The following PRPF3 variants were observed in gnomAD, a reference collection of about 807,000 sequenced individuals.
The protein encoded by PRPF3 is U4/U6 small nuclear ribonucleoprotein Prp3.
Under a neutral mutation model 89.2 loss-of-function variants are expected in PRPF3, and 3 were observed. That is an observed-to-expected ratio of 0.03 (90% CI 0.02 to 0.09). PRPF3 has a LOEUF of 0.09. PRPF3 is among the 10% of genes least tolerant of loss of function. The probability of loss-of-function intolerance (pLI) is 1.00; values close to 1 mark genes in which losing one functional copy is unlikely to be tolerated. For missense variants in PRPF3, 463 were observed against 828.8 expected (o/e 0.56, Z 5.42); for synonymous variants, 270 against 289.1 (o/e 0.93, Z 0.67).
intron 7 of PRPF3, 104 bp from the exon 8 acceptor site, chr1:150,338,056 A>G: frequency 7.9e-7 from 1 of 1,268,712 alleles, no homozygotes. Flanking sequence ...CCTGGGCAAG[A>G]AGAACGAAAC....
chr1:150,322,451 G>T (rs1553862307), intron 1 of PRPF3, among the ~76,000 whole-genome samples: 2 of 152,202 alleles, frequency 1.3e-5, no homozygotes, highest in Non-Finnish European at 2.9e-5. Context: ...AACTGTTTCT[G>T]TGTGAACTCT....
chr1:150,330,898 T>G (rs2101964547), intron 4 of PRPF3, among the ~76,000 whole-genome samples: 1 of 151,130 alleles, frequency 6.6e-6, no homozygotes, highest in Non-Finnish European at 1.5e-5. Flanking sequence ...TTTGTATGTT[T>G]AGTAGAGACG....
chr1:150,351,492 T>C (rs1553874359), intron 15 of PRPF3, among the ~76,000 whole-genome samples: 2 of 152,100 alleles, frequency 1.3e-5, no homozygotes, highest in South Asian at 2.1e-4. Flanking sequence ...ATATTTGTTA[T>C]CTTTTTTTAA....
chr1:150,345,992 A>T, intron 12 of PRPF3, 26 bp from the exon 13 acceptor site: 1 of 1,558,130 alleles, frequency 6.4e-7, no homozygotes, highest in Non-Finnish European at 8.9e-7. Flanking sequence ...AAAATGGAAG[A>T]CATAACTAAA....
rs1218279924 is a variant in PRPF3, at chr1:150,347,163, A to AT, written c.1843+685dup. Among the ~76,000 whole-genome samples, 140 of 145,552 alleles carry AT rather than the reference A, an allele frequency of 9.6e-4. 1 individual carries two copies. The highest frequency in any genetic ancestry group is 1.5e-3 in the South Asian group (7 of 4,590). On this transcript the variant is annotated intron_variant, in intron 14 of 15. Coordinates refer to ENST00000324862, the MANE Select transcript of PRPF3 (RefSeq NM_004698.4). ...AGTGTCTATATTATATTATTATTTG[A>AT]TTTTTTTTTTTTTAAGGATTGAAGC...
At position 150,332,740 on chromosome 1, in the gene PRPF3, G is replaced by C. The variant is rs1353235876; in HGVS notation, c.480G>C (p.Leu160=). The C allele has an allele frequency of 4.3e-6, 7 of 1,614,004 alleles. No homozygotes were observed. Among genetic ancestry groups the C allele is most frequent in the Non-Finnish European group, 5.9e-6 (7 of 1,180,022 alleles). Residue 160 remains leucine, a synonymous_variant, in exon 5 of 16, where the codon CTG becomes CTC. Transcript: ENST00000324862. ...TRQIEERKKQ[L]SFISPPTPQP... ...AAATCGAGGAGAGGAAAAAACAGCT[G>C]AGCTTCATTAGCCCCCCTACACCTC...
intron 8 of PRPF3, among the ~76,000 whole-genome samples, chr1:150,338,715 A>G (rs1274122917): frequency 6.6e-6 from 1 of 152,076 alleles, no homozygotes; most frequent in Non-Finnish European, 1.5e-5. Context: ...GGGTTTTGCC[A>G]TGTTGGCCAG....
At chr1:150,327,584 C>T (rs1196899081) in intron 3 of PRPF3, 45 of 985,648 alleles carry the variant, frequency 4.6e-5, no homozygotes, top group Non-Finnish European at 5.1e-5. Flanking sequence ...CGCCCCTGGC[C>T]GAGGATATGT....
chr1:150,344,864 T>C (rs1658121322), intron 12 of PRPF3, among the ~76,000 whole-genome samples: 1 of 151,934 alleles, frequency 6.6e-6, no homozygotes, highest in South Asian at 2.1e-4. Flanking sequence ...CTATAAAATA[T>C]CATCCTATTT....
Position 150,334,413 on chromosome 1 carries a change from C to T in PRPF3, c.729-522C>T, listed in dbSNP as rs1357318475. 5.3e-5 allele frequency among the ~76,000 whole-genome samples: 8 copies of T among 152,266 alleles called. 1 individual carries two copies. The East Asian group carries it at 1.5e-3, about 29-fold the overall frequency. On this transcript the variant is annotated intron_variant, in intron 6 of 15. Coordinates refer to ENST00000324862, the MANE Select transcript of PRPF3 (RefSeq NM_004698.4). Reference sequence around the variant, plus strand: ...AGGGAGTCTCACTCTGTCACCCAGGCTGGAGTGCAGTGATCTCGGCTCCCT... The same window carrying T: ...AGGGAGTCTCACTCTGTCACCCAGGTTGGAGTGCAGTGATCTCGGCTCCCT...
At chr1:150,329,246 T>G (rs1295158832) in intron 4 of PRPF3, among the ~76,000 whole-genome samples, 1 of 152,108 alleles carries the variant, frequency 6.6e-6, no homozygotes, top group African/African-American at 2.4e-5. Context: ...GCCAGGCTGC[T>G]CTGGAACTCC....
intron 5 of PRPF3, 35 bp from the exon 6 acceptor site, chr1:150,332,944 T>C (rs1553866081): frequency 1.3e-6 from 2 of 1,584,164 alleles, no homozygotes; most frequent in Admixed American, 1.7e-5. Flanking sequence ...TCTGCCTGTC[T>C]TAATTCCTCT....
chr1:150,347,728 A>G (rs1346063678), intron 14 of PRPF3, among the ~76,000 whole-genome samples: 1 of 145,514 alleles, frequency 6.9e-6, no homozygotes, highest in Admixed American at 6.9e-5. Flanking sequence ...ACTCCATCTC[A>G]AAAAAAAAAA....
chr1:150,343,337 A>T lies in PRPF3; in HGVS notation c.1311A>T (p.Gly437=). 1 of 1,482,204 alleles carries T rather than the reference A, an allele frequency of 6.7e-7. No homozygotes were observed. The highest frequency in any genetic ancestry group is 9.4e-7 in the Non-Finnish European group (1 of 1,069,076). The allele number at this position is 1,482,204 out of a possible 1,614,324, so 91.8% of individuals were successfully genotyped here. A position where few individuals can be genotyped will look rare whatever the true frequency, so the allele number is the denominator to read the frequency against. ...ACAATGACACACCAGTTACTCTGGG[A>T]GTATATCTTACCAAGAAGGAACAGA... The part of the protein sequence containing the change: ...PVDNDTPVTL[G]VYLTKKEQKK... Residue 437 remains glycine (G), a synonymous_variant, in exon 10 of 16, where the codon GGA becomes GGT. Coordinates refer to ENST00000324862, the MANE Select transcript of PRPF3 (RefSeq NM_004698.4).
chr1:150,321,782 C>T, intron 1 of PRPF3, among the ~76,000 whole-genome samples, 190 bp downstream of exon 1: 1 of 151,060 alleles, frequency 6.6e-6, no homozygotes, highest in Non-Finnish European at 1.5e-5. Flanking sequence ...GGAAGGAGAC[C>T]GGGTTGGGAG....
At chr1:150,342,035 A>G (rs1311340596) in intron 9 of PRPF3, among the ~76,000 whole-genome samples, 2 of 151,886 alleles carry the variant, frequency 1.3e-5, no homozygotes, top group Admixed American at 6.6e-5. Flanking sequence ...GCCAGGTATC[A>G]TTGAATGAGG....
intron 4 of PRPF3, among the ~76,000 whole-genome samples, chr1:150,329,033 T>A (rs1471419263): frequency 5.7e-3 from 1 of 176 alleles, no homozygotes; most frequent in Non-Finnish European, 0.012. Flanking sequence ...GCATTTGGGG[T>A]AAACTTTTTT....
intron 14 of PRPF3, 199 bp from the exon 15 acceptor site, chr1:150,348,958 C>G: frequency 1.7e-6 from 1 of 597,478 alleles, no homozygotes; most frequent in South Asian, 1.9e-5. Context: ...TATGTAAATG[C>G]TAATTGTATC....
At chr1:150,322,219 A>G (rs903417308) in intron 1 of PRPF3, among the ~76,000 whole-genome samples, 2 of 152,232 alleles carry the variant, frequency 1.3e-5, no homozygotes, top group African/African-American at 2.4e-5. Context: ...CTAGTGGAAT[A>G]TAAGACCCGT....
Sources: gnomAD v4.1 joint callset for allele counts (sites outside exome capture counted in the v4.1 genomes callset) on GRCh38, gnomAD v4.1.1 for gene constraint, MANE v1.5 for transcripts, NCBI Gene and HGNC (gene_info 2026-07-23, HGNC 2026-07-21) for gene names.